Variants in GLYATL2 observed in about 807,000 individuals in gnomAD.
GLYATL2 encodes glycine N-acyltransferase-like protein 2.
A neutral mutation model predicts 21.4 loss-of-function variants in GLYATL2; 25 were observed. That is an observed-to-expected ratio of 1.17 (90% confidence interval 0.85 to 1.63). GLYATL2 has a LOEUF of 1.63. Among genes scored for constraint, GLYATL2 ranks in the 40% most tolerant of loss-of-function variants. The probability of loss-of-function intolerance (pLI) is 0.00; values close to 1 mark genes in which losing one functional copy is unlikely to be tolerated. For missense variants in GLYATL2, 361 were observed against 343.3 expected, an observed-to-expected ratio of 1.05 and a Z score of -0.41; for synonymous variants, 114 against 118.2, an observed-to-expected ratio of 0.96 and a Z score of 0.23.
chr11:58,836,907 G>A (rs551027819), intron 5 of GLYATL2, 108 bp downstream of exon 5: 7 of 941,782 alleles, frequency 7.4e-6, no homozygotes, highest in Non-Finnish European at 1.2e-5. Flanking sequence ...CCATGCAATT[G>A]TGTAGCCCAT....
upstream of GLYATL2, among the ~76,000 whole-genome samples, chr11:58,908,886 C>A (rs556727786): frequency 9.2e-5 from 14 of 152,232 alleles, no homozygotes; most frequent in African/African-American, 3.4e-4. Context: ...TGAATTATCT[C>A]ATTTAACACT....
chr11:58,869,952 A>T (rs1854088560), intron 1 of GLYATL2, among the ~76,000 whole-genome samples: 1 of 152,174 alleles, frequency 6.6e-6, no homozygotes, highest in South Asian at 2.1e-4. Flanking sequence ...AAATGAAAAT[A>T]AAACAATTAG....
chr11:58,881,565 T>A (rs1301170993), intron 1 of GLYATL2, among the ~76,000 whole-genome samples: 1 of 152,184 alleles, frequency 6.6e-6, no homozygotes, highest in Non-Finnish European at 1.5e-5. Flanking sequence ...AGCTTTCCAG[T>A]CAAAACTGTT....
intron 1 of GLYATL2, among the ~76,000 whole-genome samples, chr11:58,863,997 G>C (rs909888723): frequency 1.3e-5 from 2 of 152,012 alleles, no homozygotes; most frequent in African/African-American, 4.8e-5. Context: ...CAGATACCTA[G>C]CTAAGAGATA....
intron 1 of GLYATL2, among the ~76,000 whole-genome samples, chr11:58,867,991 G>A (rs920606173): frequency 4.7e-5 from 7 of 148,728 alleles, no homozygotes; most frequent in African/African-American, 7.3e-5. Context: ...GAGCTGGTCC[G>A]AAAGCCTGAT....
At chr11:58,849,576 C>T (rs542812529), upstream of GLYATL2, among the ~76,000 whole-genome samples, 1 of 152,142 alleles carries the variant, frequency 6.6e-6, no homozygotes, top group Non-Finnish European at 1.5e-5. Flanking sequence ...AAGAAAAGCC[C>T]AGGATCTGAC....
At chr11:58,845,808 T>C (rs550114625), upstream of GLYATL2, among the ~76,000 whole-genome samples, 1 of 152,322 alleles carries the variant, frequency 6.6e-6, no homozygotes, top group African/African-American at 2.4e-5. Flanking sequence ...TTAATGACAC[T>C]ATGATTCCAT....
At chr11:58,905,668 G>C (rs769838826), upstream of GLYATL2, 3 of 455,306 alleles carry the variant, frequency 6.6e-6, no homozygotes, top group Non-Finnish European at 1.3e-5. Flanking sequence ...CCTGGTACGC[G>C]GGAACTGGCT....
intron 1 of GLYATL2, among the ~76,000 whole-genome samples, chr11:58,886,547 A>G (rs1189531522): frequency 6.6e-6 from 1 of 152,202 alleles, no homozygotes; most frequent in East Asian, 1.9e-4. Flanking sequence ...TCTTCTTCAG[A>G]GGATTACACA....
intron 1 of GLYATL2, among the ~76,000 whole-genome samples, chr11:58,860,854 G>A (rs527679546): frequency 1.6e-4 from 24 of 152,148 alleles, no homozygotes; most frequent in African/African-American, 5.5e-4. Context: ...TCTATCAAGT[G>A]ATCATTGGAT....
chr11:58,841,811 A>C (rs770876321), intron 1 of GLYATL2, among the ~76,000 whole-genome samples: 2 of 152,200 alleles, frequency 1.3e-5, no homozygotes, highest in Non-Finnish European at 2.9e-5. Flanking sequence ...AAGCAGTCAA[A>C]GGCTGCTGAG....
intron 1 of GLYATL2, among the ~76,000 whole-genome samples, chr11:58,868,584 T>C (rs1166653402): frequency 1.3e-5 from 2 of 149,146 alleles, no homozygotes; most frequent in South Asian, 2.1e-4. Flanking sequence ...TTCTGTGCAG[T>C]GAAGAGCAGG....
Position 58,838,295 on chromosome 11 carries a change from T to A in GLYATL2, c.152A>T (p.Asp51Val), listed in dbSNP as rs1339159892. Residue 51 changes from aspartate (D) to valine (V), a missense_variant, in exon 3 of 6, where the codon GAT becomes GTT. Asp to Val is a radical substitution (Grantham distance 152). Transcript: ENST00000287275. The stretch of plus-strand genomic sequence containing the variant: ...AGGCCGGGTAATGACGATCTGGTAA[T>A]CTGGCCAGGCATCTACCAGCACCTC... Reference protein sequence around the residue: ...NMEVLVDAWPDYQIVITRPQK... With the variant: ...NMEVLVDAWPVYQIVITRPQK... 4 of 1,613,156 alleles carry A rather than the reference T, an allele frequency of 2.5e-6. No homozygotes were observed. The highest frequency in any genetic ancestry group is 2.7e-5 in the African/African-American group (2 of 74,906).
chr11:58,840,887 T>TA (rs1173083592), intron 1 of GLYATL2: 2 of 82,396 alleles, frequency 2.4e-5, no homozygotes, highest in Non-Finnish European at 2.9e-5. Flanking sequence ...AAATAAAAAT[T>TA]AAAAAAATAA....
At position 58,864,814 on chromosome 11, in the gene GLYATL2, A is replaced by G. The variant is rs1374543120; in HGVS notation, n.61-26446T>C. Among the ~76,000 whole-genome samples, 2 of 149,136 alleles carry G rather than the reference A, an allele frequency of 1.3e-5. 1 individual carries two copies. The highest frequency in any genetic ancestry group is 4.4e-4 in the East Asian group (2 of 4,504). On this transcript the variant is annotated intron_variant and non_coding_transcript_variant, in intron 1 of 4. Transcript: ENST00000533636. ...ATAAGTGTTAGAAAGTCCCATTCTG[A>G]CATTTTGCTGATGTCTAGTTGCACA...
At chr11:58,908,723 G>A (rs973834917), upstream of GLYATL2, 3 of 152,172 alleles carry the variant, frequency 2.0e-5, no homozygotes, top group African/African-American at 7.2e-5. Context: ...AAATGATAGG[G>A]TATGAGTTAA....
intron 1 of GLYATL2, among the ~76,000 whole-genome samples, chr11:58,876,235 A>G (rs995657361): frequency 7.9e-5 from 12 of 152,172 alleles, no homozygotes; most frequent in Admixed American, 5.9e-4. Context: ...ATTGGTTCTA[A>G]CTTCCTCCTT....
At chr11:58,845,604 TA>T (rs1031483945), upstream of GLYATL2, among the ~76,000 whole-genome samples, 2 of 151,364 alleles carry the variant, frequency 1.3e-5, no homozygotes, top group South Asian at 2.1e-4. Context: ...TATCTCTAAT[TA>T]AAAAAAAATT....
upstream of GLYATL2, among the ~76,000 whole-genome samples, chr11:58,848,943 A>G (rs1450300591): frequency 2.6e-5 from 4 of 152,204 alleles, no homozygotes; most frequent in Non-Finnish European, 5.9e-5. Context: ...AGAAACATAA[A>G]AGCAGCAAGA....
Sources: gnomAD v4.1 joint callset for allele counts (sites outside exome capture counted in the v4.1 genomes callset) on GRCh38, gnomAD v4.1.1 for gene constraint, MANE v1.5 for transcripts, NCBI Gene and HGNC (gene_info 2026-07-23, HGNC 2026-07-21) for gene names.